The following MED13L variants were observed in gnomAD, a reference collection of about 807,000 sequenced individuals.
The protein encoded by MED13L is mediator of RNA polymerase II transcription subunit 13-like.
A neutral mutation model predicts 220.9 loss-of-function variants in MED13L; 7 were observed. The observed-to-expected ratio is 0.03, with a 90% CI of 0.02 to 0.06. The LOEUF (loss-of-function observed/expected upper bound fraction) is 0.06, where lower values mean the gene tolerates loss of function less well. MED13L is among the 10% of genes least tolerant of loss of function. The probability of loss-of-function intolerance (pLI) is 1.00; values close to 1 mark genes in which losing one functional copy is unlikely to be tolerated. For synonymous variants in MED13L, 1,011 were observed against 1,015.2 expected (o/e 1.00, Z 0.08); for missense variants, 1,965 against 2,760.5 (o/e 0.71, Z 6.46).
intron 2 of MED13L, among the ~76,000 whole-genome samples, chr12:116,227,944 A>AT (rs1869167199): frequency 6.6e-6 from 1 of 152,202 alleles, no homozygotes; most frequent in African/African-American, 2.4e-5. Context: ...AAAAAATTTA[A>AT]AAAAATCTTG....
chr12:116,177,902 G>A (rs568468117), intron 2 of MED13L, among the ~76,000 whole-genome samples: 1 of 152,076 alleles, frequency 6.6e-6, no homozygotes, highest in Non-Finnish European at 1.5e-5. Flanking sequence ...TGCCCAGGTT[G>A]GAGTGTACAG....
intron 2 of MED13L, among the ~76,000 whole-genome samples, chr12:116,215,601 A>G (rs1882945152): frequency 6.6e-6 from 1 of 152,174 alleles, no homozygotes; most frequent in Admixed American, 6.5e-5. Context: ...CACAGTATCT[A>G]GGAAAGAGTA....
At chr12:116,246,673 T>C (rs118144675) in intron 1 of MED13L, among the ~76,000 whole-genome samples, 2,820 of 142,856 alleles carry the variant, frequency 0.02, 51 homozygotes, top group Middle Eastern at 0.054. Context: ...AGCTGAAGCA[T>C]TGTGGCACAC....
At chr12:116,271,958 T>C (rs1429257306) in intron 1 of MED13L, among the ~76,000 whole-genome samples, 1 of 152,136 alleles carries the variant, frequency 6.6e-6, no homozygotes, top group East Asian at 1.9e-4. Flanking sequence ...AAGGGGAACA[T>C]TGTTATTATT....
At chr12:116,079,579 C>T (rs1002726982) in intron 4 of MED13L, among the ~76,000 whole-genome samples, 3 of 151,952 alleles carry the variant, frequency 2.0e-5, no homozygotes, top group African/African-American at 7.3e-5. Context: ...GTCTCTGTCA[C>T]CCAGGCTGGA....
chr12:116,037,062 T>C (rs1238478759), intron 4 of MED13L, among the ~76,000 whole-genome samples: 1 of 152,218 alleles, frequency 6.6e-6, no homozygotes, highest in Non-Finnish European at 1.5e-5. Context: ...ATAGTACTTG[T>C]ATATTACTAC....
chr12:116,257,739 T>C (rs936024735), intron 1 of MED13L, among the ~76,000 whole-genome samples: 4 of 152,354 alleles, frequency 2.6e-5, no homozygotes, highest in African/African-American at 9.6e-5. Flanking sequence ...TAAAAAAAAC[T>C]GAAAGACTTT....
chr12:116,173,037 A>G (rs1879794456), intron 2 of MED13L, among the ~76,000 whole-genome samples: 1 of 151,908 alleles, frequency 6.6e-6, no homozygotes, highest in African/African-American at 2.4e-5. Context: ...ATACTGTGAA[A>G]TAACAGATCA....
At chr12:116,050,955 A>C (rs1280642277) in intron 4 of MED13L, among the ~76,000 whole-genome samples, 2 of 152,152 alleles carry the variant, frequency 1.3e-5, no homozygotes, top group East Asian at 3.9e-4. Context: ...AACAAAAAAA[A>C]AAACCCAGAA....
intron 2 of MED13L, among the ~76,000 whole-genome samples, chr12:116,217,238 T>C (rs532959444): frequency 6.6e-6 from 1 of 152,158 alleles, no homozygotes; most frequent in Admixed American, 6.5e-5. Context: ...AACAACCTAT[T>C]AGGGAATGAA....
At chr12:116,241,472 T>C (rs1870646018) in intron 1 of MED13L, among the ~76,000 whole-genome samples, 1 of 152,158 alleles carries the variant, frequency 6.6e-6, no homozygotes, top group South Asian at 2.1e-4. Context: ...TGAAAATCTA[T>C]GCACGGTAAT....
At chr12:116,061,852 C>T (rs1592999697) in intron 4 of MED13L, among the ~76,000 whole-genome samples, 1 of 151,474 alleles carries the variant, frequency 6.6e-6, no homozygotes, top group Non-Finnish European at 1.5e-5. Context: ...CTTAAAAATA[C>T]AAAAAATTAG....
At chr12:116,228,923 A>G (rs1869269926) in intron 2 of MED13L, among the ~76,000 whole-genome samples, 1 of 152,196 alleles carries the variant, frequency 6.6e-6, no homozygotes, top group African/African-American at 2.4e-5. Flanking sequence ...ATGCCATCTT[A>G]ATGATCAACA....
chr12:115,962,314 A>G (rs1024131270), intron 30 of MED13L, among the ~76,000 whole-genome samples: 5 of 152,180 alleles, frequency 3.3e-5, no homozygotes, highest in African/African-American at 1.2e-4. Context: ...TCTCATAAAG[A>G]GTACACAACC....
intron 2 of MED13L, among the ~76,000 whole-genome samples, chr12:116,157,776 TCTTCAAA>T (rs1000699709): frequency 5.2e-5 from 8 of 152,384 alleles, no homozygotes; most frequent in Admixed American, 3.9e-4. Context: ...ACTTTTATTC[TCTTCAAA>T]CTTCAAACTG....
At chr12:116,075,412 A>G (rs1334815237) in intron 4 of MED13L, among the ~76,000 whole-genome samples, 1 of 152,208 alleles carries the variant, frequency 6.6e-6, no homozygotes, top group Non-Finnish European at 1.5e-5. Context: ...TTCTCCTTTA[A>G]AATGTGTTCT....
intron 2 of MED13L, among the ~76,000 whole-genome samples, chr12:116,124,123 CGAGAGAGAGAGA>C (rs58366115): frequency 4.5e-5 from 6 of 133,604 alleles, no homozygotes; most frequent in African/African-American, 8.0e-5. Flanking sequence ...GAGAGAAAGA[CGAGAGAGAGAGA>C]GAGAGAGAGA....
At chr12:116,220,787 G>T (rs975958683) in intron 2 of MED13L, among the ~76,000 whole-genome samples, 1 of 152,082 alleles carries the variant, frequency 6.6e-6, no homozygotes, top group Non-Finnish European at 1.5e-5. Context: ...ATTAACCTGA[G>T]AATTAATTAA....
chr12:116,024,259 T>C (rs993483210), intron 4 of MED13L, among the ~76,000 whole-genome samples: 4 of 152,118 alleles, frequency 2.6e-5, no homozygotes, highest in African/African-American at 9.7e-5. Flanking sequence ...ACACAGTCCT[T>C]GCCCTCAAGG....
Sources: gnomAD v4.1 joint callset for allele counts (sites outside exome capture counted in the v4.1 genomes callset) on GRCh38, gnomAD v4.1.1 for gene constraint, MANE v1.5 for transcripts, NCBI Gene and HGNC (gene_info 2026-07-23, HGNC 2026-07-21) for gene names.